Variants in EBF2 observed in about 807,000 individuals in gnomAD.
EBF2 encodes EBF transcription factor 2.
Under a neutral mutation model 72.8 loss-of-function variants are expected in EBF2, and 21 were observed. That is an observed-to-expected ratio of 0.29 (90% CI 0.20 to 0.42). The LOEUF (loss-of-function observed/expected upper bound fraction) is 0.42. Among genes scored for constraint, EBF2 ranks in the 10% least tolerant of loss-of-function variants. The probability of loss-of-function intolerance (pLI) is 1.00; values close to 1 mark genes in which losing one functional copy is unlikely to be tolerated. For missense variants in EBF2, 637 were observed against 731.2 expected (o/e 0.87, Z 1.49); for synonymous variants, 299 against 274.2 (o/e 1.09, Z -0.89).
chr8:25,853,137 GTAGAT>G (rs777855762), intron 14 of EBF2, among the ~76,000 whole-genome samples: 2 of 152,048 alleles, frequency 1.3e-5, no homozygotes, highest in Non-Finnish European at 2.9e-5. Flanking sequence ...ATAAATCTAA[GTAGAT>G]TAAAGACATT....
At chr8:25,848,084 C>T (rs1405115755) in intron 15 of EBF2, among the ~76,000 whole-genome samples, 1 of 152,104 alleles carries the variant, frequency 6.6e-6, no homozygotes, top group Non-Finnish European at 1.5e-5. Flanking sequence ...TGCTATGTTG[C>T]ACAGGCTAGG....
intron 7 of EBF2, among the ~76,000 whole-genome samples, chr8:25,906,799 A>C (rs538485653): frequency 6.3e-4 from 94 of 149,128 alleles, no homozygotes; most frequent in Non-Finnish European, 9.7e-4. Flanking sequence ...AACAAACAAA[A>C]AAAGGCAGGG....
At chr8:25,987,229 C>A (rs1035787940) in intron 6 of EBF2, among the ~76,000 whole-genome samples, 2 of 152,130 alleles carry the variant, frequency 1.3e-5, no homozygotes, top group Non-Finnish European at 2.9e-5. Context: ...CATATATGAA[C>A]ATCACAGATA....
intron 14 of EBF2, among the ~76,000 whole-genome samples, chr8:25,853,398 TAAAAATGACC>T (rs1177269026): frequency 2.0e-5 from 3 of 151,780 alleles, no homozygotes; most frequent in Non-Finnish European, 4.4e-5. Context: ...AAATCAGGAA[TAAAAATGACC>T]AAGAGAGATC....
intron 6 of EBF2, among the ~76,000 whole-genome samples, chr8:25,916,062 G>A (rs1803208681): frequency 6.6e-6 from 1 of 152,012 alleles, no homozygotes; most frequent in Non-Finnish European, 1.5e-5. Flanking sequence ...GAGGCAGTCT[G>A]ATCACTTGAG....
chr8:25,879,503 CACCT>C, intron 10 of EBF2, among the ~76,000 whole-genome samples: 1 of 152,226 alleles, frequency 6.6e-6, no homozygotes, highest in Admixed American at 6.5e-5. Context: ...ATAGTTATGA[CACCT>C]ACCCATCTCC....
chr8:26,037,705 G>C lies in EBF2; in HGVS notation c.482+2323C>G, dbSNP rs114076861. ...AATATCTTTTAACCCTCTGAGCATT[G>C]AGGGCTCAGGGGTGGCTGGCAGCGA... On this transcript the variant is annotated intron_variant, in intron 5 of 15. Transcript: ENST00000520164. Among the ~76,000 whole-genome samples the C allele has an allele frequency of 3.0e-3, 463 of 152,290 alleles. 3 individuals carry two copies. The highest frequency in any genetic ancestry group is 0.01 in the African/African-American group (416 of 41,556).
rs772864558 is a variant in EBF2 at position 26,044,905 on chromosome 8, AAC to A, written c.-48_-47del. 2.3e-5 allele frequency: 37 copies of A among 1,605,058 alleles called. No homozygotes were observed. Among genetic ancestry groups the A allele is most frequent in the Non-Finnish European group, 3.0e-5 (35 of 1,174,668 alleles). On this transcript the variant is annotated 5_prime_UTR_variant, in exon 1 of 16. Transcript: ENST00000520164. This position sits in a 1 kb window ranked among gnomAD's most constrained non-coding sequence, Gnocchi z 4.1. Reference sequence around the variant, plus strand: ...CTGTCGCTTTAAAAGTAAGAGTTACAACACAGTCCTGACTGTTCCCAACGTTG... The same window carrying A: ...CTGTCGCTTTAAAAGTAAGAGTTACAACAGTCCTGACTGTTCCCAACGTTG...
At chr8:25,858,552 C>A in intron 13 of EBF2, 48 bp from the exon 14 acceptor site, 1 of 1,576,660 alleles carries the variant, frequency 6.3e-7, no homozygotes, top group South Asian at 1.2e-5. Context: ...CGTGCACAGT[C>A]AGGCCACATG....
At chr8:25,875,199 G>C (rs1017314190) in intron 10 of EBF2, among the ~76,000 whole-genome samples, 1 of 152,212 alleles carries the variant, frequency 6.6e-6, no homozygotes, top group Non-Finnish European at 1.5e-5. Flanking sequence ...ACAGCAAAGA[G>C]GGAGGACGCT....
intron 10 of EBF2, among the ~76,000 whole-genome samples, chr8:25,878,365 G>A (rs1409811130): frequency 6.6e-6 from 1 of 152,192 alleles, no homozygotes; most frequent in Non-Finnish European, 1.5e-5. Flanking sequence ...GGAAAGACAG[G>A]AGGGCTTTGT....
chr8:25,934,444 C>T (rs990888876), intron 6 of EBF2, among the ~76,000 whole-genome samples: 1 of 152,174 alleles, frequency 6.6e-6, no homozygotes, highest in East Asian at 1.9e-4. Context: ...TGAAACACTG[C>T]AGGAAGACAT....
intron 6 of EBF2, among the ~76,000 whole-genome samples, chr8:26,008,964 C>T (rs912692423): frequency 8.6e-5 from 13 of 151,532 alleles, no homozygotes; most frequent in African/African-American, 2.9e-4. Context: ...ATACAGCATG[C>T]TCACAAACTG....
rs146275564 is a variant in EBF2, at chr8:26,004,632, C to T, written c.551+28453G>A. On this transcript the variant is annotated intron_variant, in intron 6 of 15. Coordinates refer to ENST00000520164, the MANE Select transcript of EBF2 (RefSeq NM_022659.4). Reference sequence around the variant, plus strand: ...AGAGGTTGCAGTGAGCCAAGATCACCCCACTGCACTCCAGCCTGGGTGACA... The same window carrying T: ...AGAGGTTGCAGTGAGCCAAGATCACTCCACTGCACTCCAGCCTGGGTGACA... Among the ~76,000 whole-genome samples the T allele has an allele frequency of 4.8e-3, 705 of 147,714 alleles. 6 individuals carry two copies. Among genetic ancestry groups the T allele is most frequent in the African/African-American group, 0.017 (671 of 39,718 alleles).
intron 6 of EBF2, among the ~76,000 whole-genome samples, chr8:25,974,943 G>T (rs760748654): frequency 2.2e-4 from 34 of 152,018 alleles, no homozygotes; most frequent in Non-Finnish European, 4.4e-4. Flanking sequence ...CGGCTGCCCC[G>T]CCCCTCTTGT....
intron 6 of EBF2, among the ~76,000 whole-genome samples, chr8:25,970,821 C>CTTTA (rs1804178621): frequency 6.6e-6 from 1 of 152,076 alleles, no homozygotes; most frequent in South Asian, 2.1e-4. Flanking sequence ...GCAACCTCCA[C>CTTTA]TTTATTTATT....
intron 14 of EBF2, among the ~76,000 whole-genome samples, chr8:25,856,158 C>T (rs1414385325): frequency 2.0e-5 from 3 of 152,066 alleles, no homozygotes; most frequent in Admixed American, 1.3e-4. Flanking sequence ...TTTTTTTCCT[C>T]TCCTTTCTTC....
chr8:25,984,509 C>T (rs888876411), intron 6 of EBF2, among the ~76,000 whole-genome samples: 2 of 152,144 alleles, frequency 1.3e-5, no homozygotes, highest in African/African-American at 2.4e-5. Flanking sequence ...TGGAGAAACC[C>T]CGTCTCTACC....
At chr8:25,931,006 G>C (rs1216351381) in intron 6 of EBF2, among the ~76,000 whole-genome samples, 1 of 152,066 alleles carries the variant, frequency 6.6e-6, no homozygotes. Flanking sequence ...GTTGAACAGA[G>C]TTGAAGCGAA....
Sources: allele counts gnomAD v4.1 joint callset (sites outside exome capture counted in the v4.1 genomes callset), GRCh38; gene constraint gnomAD v4.1.1; non-coding constraint Gnocchi (gnomAD v3.1); transcripts MANE v1.5; gene names NCBI Gene and HGNC (gene_info 2026-07-23, HGNC 2026-07-21).